Variants in NRXN1 observed in about 807,000 individuals in gnomAD.
NRXN1 encodes neurexin 1.
In NRXN1, 39 loss-of-function variants were observed where a neutral mutation model predicts 150.9. The observed-to-expected ratio is 0.26, with a 90% CI of 0.20 to 0.34. The LOEUF (loss-of-function observed/expected upper bound fraction) is 0.34. Ranked by LOEUF, NRXN1 falls within the 10% of genes least tolerant of loss-of-function variation. NRXN1 has a pLI of 1.00. For synonymous variants in NRXN1, 924 were observed against 757.0 expected, an observed-to-expected ratio of 1.22 and a Z score of -3.62; for missense variants, 1,815 against 1,949.9, an observed-to-expected ratio of 0.93 and a Z score of 1.30.
In NRXN1 at chr2:50,904,898, G is replaced by C. The variant is rs546311068; in HGVS notation, c.832+16971C>G. On this transcript the variant is annotated intron_variant, in intron 5 of 22. Coordinates refer to ENST00000401669, the MANE Select transcript of NRXN1 (RefSeq NM_001330078.2). ...CACTTTCAGAAGCATAATCCTTCTG[G>C]GTACTTATATCCAGGCTCTTCAAGT... 3.9e-5 allele frequency among the ~76,000 whole-genome samples: 6 copies of C among 152,034 alleles called. No homozygotes were observed. In the South Asian group the frequency reaches 1.2e-3, roughly 32 times the overall value.
At chr2:50,814,175 T>G (rs1668608068) in intron 5 of NRXN1, among the ~76,000 whole-genome samples, 1 of 152,078 alleles carries the variant, frequency 6.6e-6, no homozygotes, top group Non-Finnish European at 1.5e-5. Context: ...TTGTTTTTGT[T>G]TGGTAGAGGT....
At position 50,689,854 on chromosome 2, in the gene NRXN1, TTG is replaced by T. The variant is rs796892350; in HGVS notation, c.833-66241_833-66240del. Among the ~76,000 whole-genome samples the T allele has an allele frequency of 0.24, 32,057 of 135,028 alleles. 3,498 individuals are homozygous for T. The highest frequency in any genetic ancestry group is 0.26 in the Middle Eastern group (62 of 242). The allele number at this position is 135,028 out of a possible 152,430, so 88.6% of individuals were successfully genotyped here. A position where few individuals can be genotyped will look rare whatever the true frequency, so the allele number is the denominator to read the frequency against. On this transcript the variant is annotated intron_variant, in intron 5 of 22. Coordinates refer to ENST00000401669, the MANE Select transcript of NRXN1 (RefSeq NM_001330078.2). ...CATCAGCTTGTTTTTTTTTGCTTAT[TTG>T]TGTGTGTGTGTGTGTGTGTGTGTGT... is the stretch of plus-strand genomic sequence containing the variant.
intron 5 of NRXN1, among the ~76,000 whole-genome samples, chr2:50,895,114 G>C (rs562089075): frequency 6.6e-6 from 1 of 152,186 alleles, no homozygotes; most frequent in East Asian, 1.9e-4. Flanking sequence ...TTATTCATTT[G>C]CTATTCCCTC....
At chr2:50,456,635 G>T (rs2087587789) in intron 17 of NRXN1, among the ~76,000 whole-genome samples, 1 of 152,008 alleles carries the variant, frequency 6.6e-6, no homozygotes, top group Non-Finnish European at 1.5e-5. Context: ...ATTCCTTAAT[G>T]CAAGCACAAT....
intron 5 of NRXN1, chr2:50,918,518 G>A (rs377390903): frequency 1.9e-4 from 70 of 363,588 alleles, no homozygotes; most frequent in Non-Finnish European, 1.1e-4. Flanking sequence ...GCCAACATTC[G>A]CTGATAATTA....
intron 5 of NRXN1, among the ~76,000 whole-genome samples, chr2:50,696,729 T>G (rs912590333): frequency 2.0e-5 from 3 of 152,174 alleles, no homozygotes; most frequent in Admixed American, 1.3e-4. Context: ...TAAGAATACC[T>G]GAATTTTCAC....
chr2:50,472,829 G>GTGTGTGTGTGTA (rs746794432), intron 15 of NRXN1, among the ~76,000 whole-genome samples: 5 of 79,814 alleles, frequency 6.3e-5, no homozygotes, highest in Non-Finnish European at 1.7e-4. Context: ...GTGTGTGTGT[G>GTGTGTGTGTGTA]TATATATATA....
intron 13 of NRXN1, among the ~76,000 whole-genome samples, chr2:50,503,443 G>T (rs550645182): frequency 1.1e-4 from 16 of 150,902 alleles, no homozygotes; most frequent in Admixed American, 1.1e-3. Context: ...AAACATTTGC[G>T]CACCAAAATC....
At chr2:50,103,413 A>T (rs891060452) in intron 18 of NRXN1, among the ~76,000 whole-genome samples, 2 of 151,956 alleles carry the variant, frequency 1.3e-5, no homozygotes, top group African/African-American at 4.8e-5. Flanking sequence ...GAAGAATGCA[A>T]AGTTTTCACC....
At chr2:50,065,750 C>T (rs917234303) in intron 19 of NRXN1, among the ~76,000 whole-genome samples, 17 of 152,058 alleles carry the variant, frequency 1.1e-4, no homozygotes, top group Admixed American at 1.1e-3. Context: ...TTGTCTTTAC[C>T]TCTAACCTAT....
chr2:50,668,604 T>G (rs1174216868), intron 5 of NRXN1, among the ~76,000 whole-genome samples: 3 of 152,024 alleles, frequency 2.0e-5, no homozygotes, highest in Non-Finnish European at 4.4e-5. Flanking sequence ...ATTTCTTCTC[T>G]TGGAGTAGCT....
At chr2:50,664,502 T>TA (rs775055100) in intron 5 of NRXN1, among the ~76,000 whole-genome samples, 181 of 148,092 alleles carry the variant, frequency 1.2e-3, no homozygotes, top group African/African-American at 4.0e-3. Context: ...ATTGATGATT[T>TA]AAAAAAAAAA....
chr2:50,253,722 T>C (rs1243418629), intron 17 of NRXN1, among the ~76,000 whole-genome samples: 1 of 152,174 alleles, frequency 6.6e-6, no homozygotes, highest in African/African-American at 2.4e-5. Context: ...ATTTATTGAT[T>C]TGTGTATGTT....
intron 8 of NRXN1, among the ~76,000 whole-genome samples, chr2:50,573,162 G>A (rs1670905027): frequency 6.6e-6 from 1 of 151,984 alleles, no homozygotes; most frequent in Admixed American, 6.6e-5. Flanking sequence ...TTGAGCTCAG[G>A]AGTTCGAGAC....
At chr2:50,195,433 G>C (rs1380145357) in intron 18 of NRXN1, among the ~76,000 whole-genome samples, 1 of 152,108 alleles carries the variant, frequency 6.6e-6, no homozygotes. Flanking sequence ...AATTTTAACA[G>C]TGATTGCCAT....
intron 17 of NRXN1, among the ~76,000 whole-genome samples, chr2:50,463,627 C>A (rs933851518): frequency 1.3e-5 from 2 of 151,722 alleles, no homozygotes; most frequent in Non-Finnish European, 3.0e-5. Context: ...CTGTAAAAAT[C>A]ATTCGAAGAC....
chr2:50,911,357 C>T (rs1684491264), intron 5 of NRXN1, among the ~76,000 whole-genome samples: 1 of 150,762 alleles, frequency 6.6e-6, no homozygotes, highest in African/African-American at 2.5e-5. Flanking sequence ...TGTATTCACA[C>T]TAATCTTTCA....
At chr2:50,985,652 T>C (rs1330261424) in intron 2 of NRXN1, among the ~76,000 whole-genome samples, 1 of 151,394 alleles carries the variant, frequency 6.6e-6, no homozygotes, top group Non-Finnish European at 1.5e-5. Flanking sequence ...TGAGAAATAG[T>C]CAAATAAAAA....
chr2:50,600,786 G>C (rs1458031972), intron 8 of NRXN1, among the ~76,000 whole-genome samples: 2 of 152,152 alleles, frequency 1.3e-5, no homozygotes, highest in East Asian at 3.9e-4. Context: ...GATGATGACA[G>C]ACAAGAAAGT....
Sources: allele counts gnomAD v4.1 joint callset (sites outside exome capture counted in the v4.1 genomes callset), GRCh38; gene constraint gnomAD v4.1.1; transcripts MANE v1.5; gene names NCBI Gene and HGNC (gene_info 2026-07-23, HGNC 2026-07-21).